The following PSD2 variants were observed in gnomAD, a reference collection of about 807,000 sequenced individuals.
PSD2 encodes the protein PH and SEC7 domain-containing protein 2.
A neutral mutation model predicts 69.8 loss-of-function variants in PSD2; 38 were observed. That is an observed-to-expected ratio of 0.54 (90% confidence interval 0.42 to 0.71). The LOEUF (loss-of-function observed/expected upper bound fraction) is 0.71. Ranked by LOEUF, PSD2 falls within the 30% of genes least tolerant of loss-of-function variation. PSD2 has a pLI of 0.00. For missense variants in PSD2, 943 were observed against 1,014.5 expected (o/e 0.93, Z 0.96); for synonymous variants, 412 against 423.0 (o/e 0.97, Z 0.32).
chr5:139,805,387 CA>C (rs1478323317), intron 1 of PSD2, among the ~76,000 whole-genome samples: 1 of 152,248 alleles, frequency 6.6e-6, no homozygotes, highest in Non-Finnish European at 1.5e-5. Flanking sequence ...CACAAATAGG[CA>C]TGATGATAAT....
At chr5:139,786,357 C>G in the PSD2 span, among the ~76,000 whole-genome samples, 5 of 152,054 alleles carry the variant, frequency 3.3e-5, no homozygotes, top group Non-Finnish European at 7.4e-5. Context: ...CACTGCACTC[C>G]AGCCTGGGGG....
the PSD2 span, among the ~76,000 whole-genome samples, chr5:139,789,390 A>G: frequency 6.6e-6 from 1 of 152,112 alleles, no homozygotes; most frequent in Non-Finnish European, 1.5e-5. Context: ...AAGTAGCCCT[A>G]CCCACCAGCC....
chr5:139,842,376 G>GGCC lies in PSD2; in HGVS notation c.2218_2219insGCC (p.Asp740delinsGlyHis). On this transcript the variant is annotated protein_altering_variant, in exon 15 of 15. Coordinates refer to ENST00000274710, the MANE Select transcript of PSD2 (RefSeq NM_032289.4). Reference sequence around the variant, plus strand: ...CCGGCTGGCCACTCTGGAAGGGGATGACCCTTCTCTCCGGAAGACACATTC... The same window carrying GGCC: ...CCGGCTGGCCACTCTGGAAGGGGATGGCCACCCTTCTCTCCGGAAGACACATTC... 6.2e-7 allele frequency: 1 copy of GGCC among 1,614,172 alleles called. No individual in the cohort carries two copies. Among genetic ancestry groups the GGCC allele is most frequent in the Non-Finnish European group, 8.5e-7 (1 of 1,180,000 alleles).
chr5:139,806,255 G>A (rs755452906), intron 1 of PSD2, among the ~76,000 whole-genome samples: 4 of 152,234 alleles, frequency 2.6e-5, no homozygotes, highest in African/African-American at 7.2e-5. Flanking sequence ...AGCTGCACCC[G>A]CTCCCCTGCT....
At chr5:139,817,836 C>T (rs1408782023) in intron 5 of PSD2, among the ~76,000 whole-genome samples, 1 of 152,156 alleles carries the variant, frequency 6.6e-6, no homozygotes, top group East Asian at 1.9e-4. Flanking sequence ...CACTTCCTGC[C>T]TGCCAGATGC....
the PSD2 span, among the ~76,000 whole-genome samples, chr5:139,750,035 A>C: frequency 6.6e-6 from 1 of 151,298 alleles, no homozygotes; most frequent in South Asian, 2.1e-4. Context: ...TAAAAAAAAA[A>C]AAAAACCAGG....
chr5:139,766,828 C>CTTCTCTCTCTTTCTTTCTTTCTTTCT, the PSD2 span, among the ~76,000 whole-genome samples: 13 of 87,812 alleles, frequency 1.5e-4, 1 homozygote, highest in Non-Finnish European at 1.6e-4. Flanking sequence ...AAGTCCCTTC[C>CTTCTCTCTCTTTCTTTCTTTCTTTCT]TTCTTTCTTT....
the PSD2 span, among the ~76,000 whole-genome samples, chr5:139,759,422 C>T: frequency 1.3e-5 from 2 of 152,112 alleles, no homozygotes; most frequent in Admixed American, 6.5e-5. Context: ...CGCGGTCACC[C>T]GTGTCGGGAC....
the PSD2 span, among the ~76,000 whole-genome samples, chr5:139,756,024 G>T: frequency 1.3e-5 from 2 of 152,220 alleles, no homozygotes; most frequent in East Asian, 3.8e-4. Flanking sequence ...CCCCGCGGCT[G>T]CCGTCCGCCC....
chr5:139,808,746 C>T (rs1473823577), intron 1 of PSD2, among the ~76,000 whole-genome samples: 1 of 152,206 alleles, frequency 6.6e-6, no homozygotes, highest in Non-Finnish European at 1.5e-5. Context: ...CCGGGTGGCA[C>T]CGCCCACCCA....
At position 139,822,864 on chromosome 5, in the gene PSD2, T is replaced by A. The variant is rs565268607; in HGVS notation, c.1269+80T>A. 4 of 1,290,722 alleles carry A rather than the reference T, an allele frequency of 3.1e-6. No individual in the cohort carries two copies. The African/African-American group carries it at 6.1e-5, about 20-fold the overall frequency. The allele number at this position is 1,290,722 out of a possible 1,614,324, so 80.0% of individuals were successfully genotyped here. ...TGTTGATCCCGGCCCCTTCCTGAGA[T>A]CTCTTACTCAGTGGCCGGGCTTCTT... On this transcript the variant is annotated intron_variant, in intron 7 of 14. Transcript: ENST00000274710.
chr5:139,838,570 G>A, intron 12 of PSD2, 58 bp from the exon 13 acceptor site: 5 of 1,579,836 alleles, frequency 3.2e-6, no homozygotes, highest in African/African-American at 1.3e-5. Context: ...GGGATGCTGA[G>A]TAGGGGACAG....
the PSD2 span, among the ~76,000 whole-genome samples, chr5:139,771,667 C>T: frequency 1.3e-5 from 2 of 152,288 alleles, no homozygotes; most frequent in African/African-American, 4.8e-5. Context: ...CTTGAGCCAC[C>T]GCGCCCCGCA....
the PSD2 span, among the ~76,000 whole-genome samples, chr5:139,778,958 A>C: frequency 6.6e-6 from 1 of 151,600 alleles, no homozygotes; most frequent in African/African-American, 2.4e-5. Flanking sequence ...AAAAAAAAAA[A>C]AAAAGAAAGA....
rs1477104242 is a variant in PSD2, at chr5:139,833,581, A to T, written c.1270-121A>T. 8.3e-6 allele frequency: 6 copies of T among 725,706 alleles called. 1 individual carries two copies. Among genetic ancestry groups the T allele is most frequent in the South Asian group, 7.4e-5 (5 of 67,842 alleles). 45.0% of individuals were successfully genotyped at this position (725,706 alleles called of 1,614,324 possible). On this transcript the variant is annotated intron_variant, in intron 7 of 14. Coordinates refer to ENST00000274710, the MANE Select transcript of PSD2 (RefSeq NM_032289.4). ...CTTGGAGACAAAAGAAAATTCACGC[A>T]ATTTAATTTTCATTATTGCCCTTAA...
intron 12 of PSD2, among the ~76,000 whole-genome samples, 157 bp from the exon 13 acceptor site, chr5:139,838,471 A>G (rs1397835172): frequency 6.6e-6 from 1 of 152,096 alleles, no homozygotes; most frequent in Admixed American, 6.5e-5. Context: ...GGCCAGGCCC[A>G]TCCAGCCCCC....
the PSD2 span, among the ~76,000 whole-genome samples, chr5:139,787,667 G>A: frequency 6.6e-6 from 1 of 152,236 alleles, no homozygotes; most frequent in African/African-American, 2.4e-5. Flanking sequence ...CCCGTCGCTG[G>A]CCTTCCCAGG....
At chr5:139,759,454 G>A in the PSD2 span, among the ~76,000 whole-genome samples, 12 of 152,098 alleles carry the variant, frequency 7.9e-5, no homozygotes, top group Non-Finnish European at 1.6e-4. Context: ...CATGTCTGCA[G>A]CCGGGAGGGG....
upstream of PSD2, among the ~76,000 whole-genome samples, chr5:139,792,436 C>G (rs184555122): frequency 4.7e-3 from 717 of 152,276 alleles, 3 homozygotes; most frequent in Non-Finnish European, 5.7e-3. Context: ...CCCCCTCCCC[C>G]CATAACTTTC....
Sources: allele counts gnomAD v4.1 joint callset (sites outside exome capture counted in the v4.1 genomes callset), GRCh38; gene constraint gnomAD v4.1.1; transcripts MANE v1.5; gene names NCBI Gene and HGNC (gene_info 2026-07-23, HGNC 2026-07-21).